EDIL3: variants seen among roughly 807,000 people sequenced by gnomAD.
EDIL3 encodes the protein EGF like and discoidin domains 3.
Under a neutral mutation model 67.4 loss-of-function variants are expected in EDIL3, and 37 were observed. That is an observed-to-expected ratio of 0.55 (90% CI 0.42 to 0.72). EDIL3 has a LOEUF of 0.72. Among genes scored for constraint, EDIL3 ranks in the 30% least tolerant of loss-of-function variants. The pLI is 0.00. For synonymous variants in EDIL3, 195 were observed against 196.3 expected (o/e 0.99, Z 0.05); for missense variants, 527 against 586.3 (o/e 0.90, Z 1.04).
At chr5:83,951,741 C>T (rs542345620) in intron 10 of EDIL3, among the ~76,000 whole-genome samples, 2 of 151,702 alleles carry the variant, frequency 1.3e-5, no homozygotes, top group South Asian at 4.2e-4. Flanking sequence ...TTCTTAGATC[C>T]TCTGGAATTT....
intron 9 of EDIL3, among the ~76,000 whole-genome samples, chr5:84,051,948 A>C (rs980699075): frequency 6.6e-6 from 1 of 152,212 alleles, no homozygotes; most frequent in Admixed American, 6.5e-5. Context: ...AAATTCAGGA[A>C]ATACAGAGAA....
chr5:84,279,280 C>A (rs993306667), intron 1 of EDIL3, among the ~76,000 whole-genome samples: 6 of 152,090 alleles, frequency 3.9e-5, no homozygotes, highest in African/African-American at 1.4e-4. Context: ...TATTAGTAAG[C>A]CCAATCAATA....
chr5:84,156,562 A>C (rs1561448038), intron 4 of EDIL3, among the ~76,000 whole-genome samples: 1 of 152,114 alleles, frequency 6.6e-6, no homozygotes, highest in Non-Finnish European at 1.5e-5. Context: ...CTGTCACTTC[A>C]ATGTGGTTTG....
rs80032335 is a variant in EDIL3 at position 84,243,242 on chromosome 5, A to G, written c.196+10842T>C. Reference sequence around the variant, plus strand: ...GTGTTTATCACCTGATGTCCTAATAACCAGCAGGGCTCATTGAGAAGTGAG... The same window carrying G: ...GTGTTTATCACCTGATGTCCTAATAGCCAGCAGGGCTCATTGAGAAGTGAG... On this transcript the variant is annotated intron_variant, in intron 2 of 10. Coordinates refer to ENST00000296591, the MANE Select transcript of EDIL3 (RefSeq NM_005711.5). 6.1e-3 allele frequency among the ~76,000 whole-genome samples: 926 copies of G among 152,292 alleles called. 10 individuals are homozygous for G. The highest frequency in any genetic ancestry group is 0.021 in the African/African-American group (889 of 41,554).
intron 3 of EDIL3, among the ~76,000 whole-genome samples, chr5:84,213,641 G>A (rs1312374305): frequency 6.6e-6 from 1 of 151,914 alleles, no homozygotes; most frequent in Non-Finnish European, 1.5e-5. Context: ...TATGTCTAGA[G>A]AAAGAAAAAA....
intron 9 of EDIL3, among the ~76,000 whole-genome samples, chr5:83,980,977 T>C (rs987120182): frequency 3.9e-5 from 6 of 151,904 alleles, no homozygotes; most frequent in Non-Finnish European, 7.4e-5. Context: ...CAAAACATTG[T>C]TGAAAGAAAT....
At chr5:84,273,421 A>G (rs1299485064) in intron 1 of EDIL3, among the ~76,000 whole-genome samples, 2 of 152,152 alleles carry the variant, frequency 1.3e-5, no homozygotes, top group African/African-American at 2.4e-5. Flanking sequence ...GCTTTCCCAC[A>G]TACTTAAGTC....
intron 9 of EDIL3, among the ~76,000 whole-genome samples, chr5:84,046,925 C>T (rs781150314): frequency 3.3e-5 from 5 of 152,174 alleles, no homozygotes; most frequent in Non-Finnish European, 5.9e-5. Flanking sequence ...CAACATCCTA[C>T]ACTTCTGTTT....
chr5:84,160,869 T>C (rs1196298193), intron 4 of EDIL3, among the ~76,000 whole-genome samples: 2 of 150,758 alleles, frequency 1.3e-5, no homozygotes, highest in African/African-American at 4.9e-5. Context: ...TTTCTTTCAA[T>C]AGTTTTGGGG....
At chr5:84,052,326 G>A (rs893804999) in intron 9 of EDIL3, among the ~76,000 whole-genome samples, 3 of 152,116 alleles carry the variant, frequency 2.0e-5, no homozygotes, top group African/African-American at 7.2e-5. Flanking sequence ...ACATGGAAAG[G>A]AACAACCAGT....
intron 4 of EDIL3, among the ~76,000 whole-genome samples, chr5:84,175,747 C>T (rs891936789): frequency 1.4e-4 from 21 of 152,150 alleles, no homozygotes; most frequent in Non-Finnish European, 2.9e-4. Context: ...CCTCCAGTAT[C>T]ATTTGGTGAT....
intron 9 of EDIL3, among the ~76,000 whole-genome samples, chr5:84,045,084 G>T (rs912104918): frequency 6.6e-6 from 1 of 152,140 alleles, no homozygotes; most frequent in African/African-American, 2.4e-5. Context: ...TGGGGAGAAT[G>T]AGAGAATGAG....
In EDIL3 at chr5:84,160,798, TCCTTTCCTTTCCTTTCCTTTC is replaced by T. The variant is rs1405307961; in HGVS notation, c.355+19574_355+19594del. Among the ~76,000 whole-genome samples, 333 of 137,620 alleles carry T rather than the reference TCCTTTCCTTTCCTTTCCTTTC, an allele frequency of 2.4e-3. 4 individuals are homozygous for T. The highest frequency in any genetic ancestry group is 9.1e-3 in the African/African-American group (314 of 34,572). The allele number at this position is 137,620 out of a possible 152,430, so 90.3% of individuals were successfully genotyped here. On this transcript the variant is annotated intron_variant, in intron 4 of 10. Coordinates refer to ENST00000296591, the MANE Select transcript of EDIL3 (RefSeq NM_005711.5). ...TCCTTTCCTTTCCTTTCCTTTCCTT[TCCTTTCCTTTCCTTTCCTTTC>T]CCTTTCCTTTTCCTTTCCTTTTCCT...
chr5:84,169,615 G>T (rs1009600229), intron 4 of EDIL3, among the ~76,000 whole-genome samples: 36 of 149,034 alleles, frequency 2.4e-4, no homozygotes, highest in African/African-American at 8.4e-4. Flanking sequence ...TTTCAAAAAT[G>T]TAATTAAATG....
intron 9 of EDIL3, among the ~76,000 whole-genome samples, chr5:83,973,741 G>A (rs1218635788): frequency 6.6e-6 from 1 of 152,040 alleles, no homozygotes; most frequent in Non-Finnish European, 1.5e-5. Context: ...ACAAATTTGT[G>A]TGTCAATATG....
intron 4 of EDIL3, among the ~76,000 whole-genome samples, chr5:84,162,523 CTT>C (rs779401046): frequency 1.3e-5 from 2 of 152,008 alleles, no homozygotes; most frequent in African/African-American, 4.8e-5. Flanking sequence ...TTTGTGGGCT[CTT>C]TTTTTCCTGG....
chr5:84,321,367 T>C lies in EDIL3; in HGVS notation c.67+62941A>G, dbSNP rs139024184. Among the ~76,000 whole-genome samples the C allele has an allele frequency of 3.8e-3, 579 of 152,274 alleles. 2 individuals carry two copies. The highest frequency in any genetic ancestry group is 0.013 in the African/African-American group (522 of 41,546). ...AGTTAGTGTCTTCCATCTTCAATTG[T>C]TGCCATTAAAACGTTAGATGCAGAG... On this transcript the variant is annotated intron_variant, in intron 1 of 10. Coordinates refer to ENST00000296591, the MANE Select transcript of EDIL3 (RefSeq NM_005711.5).
rs1580354807 is a variant in EDIL3, at chr5:84,160,794, CCTTTCCTTTCCTTTCCTTT to C, written c.355+19580_355+19598del. Among the ~76,000 whole-genome samples the C allele has an allele frequency of 7.4e-5, 8 of 107,692 alleles. No individual in the cohort carries two copies. In the East Asian group the frequency reaches 2.7e-3, roughly 36 times the overall value. 70.7% of individuals were successfully genotyped at this position (107,692 alleles called of 152,430 possible). ...CCTTTCCTTTCCTTTCCTTTCCTTT[CCTTTCCTTTCCTTTCCTTT>C]CCTTTCCCTTTCCTTTTCCTTTCCT... On this transcript the variant is annotated intron_variant, in intron 4 of 10. Transcript: ENST00000296591.
chr5:84,252,141 G>A (rs1202428625), intron 2 of EDIL3, among the ~76,000 whole-genome samples: 1 of 152,122 alleles, frequency 6.6e-6, no homozygotes. Flanking sequence ...CAGATAAAAT[G>A]TTGAATGTTG....
Sources: gnomAD v4.1 joint callset for allele counts (sites outside exome capture counted in the v4.1 genomes callset) on GRCh38, gnomAD v4.1.1 for gene constraint, MANE v1.5 for transcripts, NCBI Gene and HGNC (gene_info 2026-07-23, HGNC 2026-07-21) for gene names.